Variants in GPC3 observed in about 807,000 individuals in gnomAD.
The protein encoded by GPC3 is glypican 3, also known as glypican-3.
Under a neutral mutation model 34.4 loss-of-function variants are expected in GPC3, and 3 were observed. The ratio of observed to expected loss-of-function variants is 0.09; its 90% confidence interval spans 0.04 to 0.23. The LOEUF (loss-of-function observed/expected upper bound fraction) is 0.23. Among genes scored for constraint, GPC3 ranks in the 10% least tolerant of loss-of-function variants. The pLI is 1.00. For synonymous variants in GPC3, 177 were observed against 174.0 expected (o/e 1.02, Z -0.13); for missense variants, 351 against 445.6 (o/e 0.79, Z 1.91).
At chrX:133,930,219 C>G (rs904152464) in intron 2 of GPC3, among the ~76,000 whole-genome samples, 1 of 111,801 alleles carries the variant, frequency 8.9e-6, no homozygotes, top group Non-Finnish European at 1.9e-5. Context: ...GAGCTCCCCC[C>G]AACTGCCCCA....
At chrX:133,592,942 A>G (rs1426487641) in intron 7 of GPC3, among the ~76,000 whole-genome samples, 3 of 111,163 alleles carry the variant, frequency 2.7e-5, no homozygotes, top group Non-Finnish European at 5.7e-5. Flanking sequence ...CCCAAGACCT[A>G]TTTTCTTTTC....
At chrX:133,543,808 T>G (rs2069361109) in intron 7 of GPC3, among the ~76,000 whole-genome samples, 1 of 112,189 alleles carries the variant, frequency 8.9e-6, no homozygotes, top group Non-Finnish European at 1.9e-5. Context: ...CAGAAATGTA[T>G]TAGTTGCAAG....
At chrX:133,881,596 T>G (rs2076041815) in intron 2 of GPC3, among the ~76,000 whole-genome samples, 1 of 112,626 alleles carries the variant, frequency 8.9e-6, no homozygotes, top group African/African-American at 3.2e-5. Context: ...TGTTTCACCT[T>G]GGTGAACTAC....
chrX:133,723,561 G>A (rs770227261), intron 3 of GPC3, among the ~76,000 whole-genome samples: 4 of 111,834 alleles, frequency 3.6e-5, no homozygotes, highest in Non-Finnish European at 7.5e-5. Context: ...TTTGGGTCAT[G>A]AGGGCAGATC....
chrX:133,640,234 T>A (rs186343470), intron 6 of GPC3, among the ~76,000 whole-genome samples: 30 of 111,980 alleles, frequency 2.7e-4, no homozygotes, highest in African/African-American at 9.7e-4. Flanking sequence ...ACTATTGATA[T>A]TCCAACATGC....
intron 2 of GPC3, among the ~76,000 whole-genome samples, chrX:133,855,473 C>T (rs1397857320): frequency 9.4e-6 from 1 of 105,939 alleles, no homozygotes; most frequent in Non-Finnish European, 1.9e-5. Flanking sequence ...GCCAGATTTT[C>T]CTTTTTTAAA....
chrX:133,921,971 A>C (rs1293030109), intron 2 of GPC3, among the ~76,000 whole-genome samples: 1 of 112,542 alleles, frequency 8.9e-6, no homozygotes, highest in Non-Finnish European at 1.9e-5. Flanking sequence ...TCTGGTTGCC[A>C]TCTGGCCATT....
At chrX:133,623,523 A>C (rs1248145538) in intron 6 of GPC3, among the ~76,000 whole-genome samples, 3 of 111,822 alleles carry the variant, frequency 2.7e-5, no homozygotes, top group Non-Finnish European at 5.6e-5. Context: ...ATCTCTGATA[A>C]AACAGACTTT....
intron 1 of GPC3, among the ~76,000 whole-genome samples, chrX:133,977,220 C>T (rs2076520351): frequency 9.0e-6 from 1 of 111,649 alleles, no homozygotes; most frequent in Non-Finnish European, 1.9e-5. Context: ...GCACTCTACT[C>T]ACCACTCTAG....
intron 7 of GPC3, among the ~76,000 whole-genome samples, chrX:133,558,330 C>T (rs1054735001): frequency 7.9e-5 from 8 of 100,975 alleles, no homozygotes; most frequent in East Asian, 3.1e-4. Flanking sequence ...TTTTCTCATG[C>T]TTTGGCCAGG....
intron 7 of GPC3, among the ~76,000 whole-genome samples, chrX:133,587,123 T>C (rs756399883): frequency 2.0e-4 from 22 of 111,953 alleles, no homozygotes; most frequent in Non-Finnish European, 2.6e-4. Flanking sequence ...TTCTACTTTT[T>C]ACTTCTATGA....
chrX:133,547,262 T>C (rs906091922), intron 7 of GPC3, among the ~76,000 whole-genome samples: 8 of 111,749 alleles, frequency 7.2e-5, no homozygotes, highest in African/African-American at 2.6e-4. Flanking sequence ...AAAGTATATA[T>C]GTATATTTTA....
intron 2 of GPC3, among the ~76,000 whole-genome samples, chrX:133,816,782 A>G (rs1007129133): frequency 1.8e-5 from 2 of 111,185 alleles, no homozygotes; most frequent in Non-Finnish European, 3.8e-5. Context: ...CATGAACTAC[A>G]CTCTCCAATC....
At chrX:133,916,943 G>A (rs1159678421) in intron 2 of GPC3, among the ~76,000 whole-genome samples, 1 of 111,403 alleles carries the variant, frequency 9.0e-6, no homozygotes, top group East Asian at 2.8e-4. Flanking sequence ...ACTGAAATTA[G>A]AGTGAAAGTC....
Position 133,943,388 on chromosome X carries a change from T to C in GPC3, c.337+9662A>G, listed in dbSNP as rs2076352882. ...CTAAGGAAAGGTAAGGTTATGTGAA[T>C]AGTCTCCAAATTTGATGCACTAGCA... is the stretch of plus-strand genomic sequence containing the variant. On this transcript the variant is annotated intron_variant, in intron 2 of 7. Coordinates refer to ENST00000370818, the MANE Select transcript of GPC3 (RefSeq NM_004484.4). 2.7e-5 allele frequency among the ~76,000 whole-genome samples: 3 copies of C among 112,529 alleles called. No homozygotes were observed. The Admixed American group carries it at 2.8e-4, about 11-fold the overall frequency.
chrX:133,985,530 G>A lies in GPC3; in HGVS notation c.-81C>T. Reference sequence around the variant, plus strand: ...GTCCCAGGACTCGGCAAGCCTGGCAGTGGCCCTGAGGAGCAAGAGACGTGC... The same window carrying A: ...GTCCCAGGACTCGGCAAGCCTGGCAATGGCCCTGAGGAGCAAGAGACGTGC... On this transcript the variant is annotated 5_prime_UTR_variant, in exon 1 of 8. Transcript: ENST00000370818. 1.1e-6 allele frequency: 1 copy of A among 951,252 alleles called. No homozygotes were observed. The highest frequency in any genetic ancestry group is 1.5e-6 in the Non-Finnish European group (1 of 682,703). 78.4% of individuals were successfully genotyped at this position (951,252 alleles called of 1,213,427 possible).
In GPC3 at chrX:133,654,486, C is replaced by T. The variant is rs371438990; in HGVS notation, c.1413+7244G>A. 2.0e-4 allele frequency among the ~76,000 whole-genome samples: 22 copies of T among 111,219 alleles called. No individual in the cohort carries two copies. In the East Asian group the frequency reaches 5.1e-3, roughly 26 times the overall value. ...CAGCACTTTGGGAGGCCGAGGCAGG[C>T]GGATCACCTGAGGTTAGGAGTTCGA... On this transcript the variant is annotated intron_variant, in intron 6 of 7. Coordinates refer to ENST00000370818, the MANE Select transcript of GPC3 (RefSeq NM_004484.4).
At chrX:133,973,627 T>C (rs192902869) in intron 1 of GPC3, among the ~76,000 whole-genome samples, 28 of 112,078 alleles carry the variant, frequency 2.5e-4, no homozygotes, top group African/African-American at 8.7e-4. Flanking sequence ...CAGAAAATTA[T>C]ACAACCCTCC....
At chrX:133,642,713 G>A (rs1264847998) in intron 6 of GPC3, among the ~76,000 whole-genome samples, 7 of 104,606 alleles carry the variant, frequency 6.7e-5, no homozygotes, top group African/African-American at 1.0e-4. Flanking sequence ...CAGAGGTTGC[G>A]GTGAGCTGAG....
Sources: gnomAD v4.1 joint callset for allele counts (sites outside exome capture counted in the v4.1 genomes callset) on GRCh38, gnomAD v4.1.1 for gene constraint, MANE v1.5 for transcripts, NCBI Gene and HGNC (gene_info 2026-07-23, HGNC 2026-07-21) for gene names.